Variants in DBF4 observed in about 807,000 individuals in gnomAD.
The protein encoded by DBF4 is DBF4-CDC7 kinase regulatory subunit, also known as protein DBF4 homolog A.
Under a neutral mutation model 76.6 loss-of-function variants are expected in DBF4, and 25 were observed. That is an observed-to-expected ratio of 0.33 (90% CI 0.24 to 0.46). The LOEUF (loss-of-function observed/expected upper bound fraction) is 0.46. DBF4 is among the 20% of genes least tolerant of loss of function. The pLI, the probability that DBF4 is intolerant of heterozygous loss-of-function variation, is 1.00. For synonymous variants in DBF4, 213 were observed against 258.0 expected, an observed-to-expected ratio of 0.83 and a Z score of 1.67; for missense variants, 638 against 760.8, an observed-to-expected ratio of 0.84 and a Z score of 1.90.
In DBF4 at chr7:87,908,640, G is replaced by A. The variant is rs1839967391; in HGVS notation, c.*477G>A. On this transcript the variant is annotated 3_prime_UTR_variant, in exon 12 of 12. Transcript: ENST00000265728. ...GAAATATTGACACTTGAGGGTCACT[G>A]GTGGACCATGCTAGTATTTTGGTGC... is the stretch of plus-strand genomic sequence containing the variant. 6.5e-6 allele frequency: 1 copy of A among 153,306 alleles called. No homozygotes were observed. The highest frequency in any genetic ancestry group is 2.1e-4 in the South Asian group (1 of 4,860). The allele number at this position is 153,306 out of a possible 1,614,324, so 9.5% of individuals were successfully genotyped here.
At chr7:87,884,487 A>G (rs1839294796) in intron 2 of DBF4, among the ~76,000 whole-genome samples, 1 of 152,214 alleles carries the variant, frequency 6.6e-6, no homozygotes. Context: ...TTCAAATTAT[A>G]TTATTTGCTA....
In DBF4 at chr7:87,876,681, G is replaced by A. The variant is rs977907439; in HGVS notation, c.-52G>A. On this transcript the variant is annotated 5_prime_UTR_variant, in exon 1 of 12. Transcript: ENST00000265728. ...CGGGGGAAGCCGTGCTTTCGCGGCT[G>A]CCCGGTGCGACACTTTCTCCGGACC... 70 of 1,605,798 alleles carry A rather than the reference G, an allele frequency of 4.4e-5. No individual in the cohort carries two copies. The East Asian group carries it at 1.4e-3, about 31-fold the overall frequency.
intron 6 of DBF4, among the ~76,000 whole-genome samples, chr7:87,891,394 T>C (rs1184040804): frequency 6.6e-6 from 1 of 152,182 alleles, no homozygotes; most frequent in Non-Finnish European, 1.5e-5. Flanking sequence ...TAGAATTTAC[T>C]AGCAAGGCTA....
rs758166321 is a variant in DBF4, at chr7:87,907,776, G to A, written c.1638G>A (p.Gln546=). The A allele has an allele frequency of 1.2e-6, 2 of 1,614,048 alleles. No individual in the cohort carries two copies. The highest frequency in any genetic ancestry group is 1.3e-5 in the African/African-American group (1 of 75,042). Residue 546 remains glutamine (Q), a synonymous_variant, in exon 12 of 12, where the codon CAG becomes CAA. Transcript: ENST00000265728. ...GTTCACAAGAGCACCTAACTGTTCA[G>A]GCAAAGGCTCCATTCCATACTCCTC... The part of the protein sequence containing the change: ...INSSQEHLTV[Q]AKAPFHTPPE...
rs1839746788 is a variant in DBF4, at chr7:87,900,365, T to C, written c.809+16T>C. The C allele has an allele frequency of 6.3e-7, 1 of 1,578,578 alleles. No individual in the cohort carries two copies. Among genetic ancestry groups the C allele is most frequent in the African/African-American group, 1.4e-5 (1 of 71,418 alleles). Reference sequence around the variant, plus strand: ...TTAAACTAAGGTTGGTTTGAATCTTTACTTTTAGAAGGAATATTCAGAATT... The same window carrying C: ...TTAAACTAAGGTTGGTTTGAATCTTCACTTTTAGAAGGAATATTCAGAATT... On this transcript the variant is annotated intron_variant, in intron 9 of 11. Transcript: ENST00000265728.
chr7:87,887,149 A>G (rs1444135706), intron 4 of DBF4, among the ~76,000 whole-genome samples, 180 bp from the exon 5 acceptor site: 1 of 152,206 alleles, frequency 6.6e-6, no homozygotes, highest in Non-Finnish European at 1.5e-5. Context: ...GTGGGTATAA[A>G]GTGGGATTGA....
intron 3 of DBF4, among the ~76,000 whole-genome samples, chr7:87,885,462 A>C (rs942616992): frequency 6.6e-6 from 1 of 152,232 alleles, no homozygotes; most frequent in African/African-American, 2.4e-5. Context: ...AAGAAATAGA[A>C]ACCTTTTTAA....
intron 2 of DBF4, among the ~76,000 whole-genome samples, chr7:87,884,493 T>C (rs1483477535): frequency 6.6e-6 from 1 of 152,266 alleles, no homozygotes; most frequent in African/African-American, 2.4e-5. Flanking sequence ...TTATATTATT[T>C]GCTACTGGGT....
In DBF4 at chr7:87,907,951, C is replaced by T; in HGVS notation, c.1813C>T (p.Gln605Ter). Reference protein sequence around the residue: ...EFDKRTEFITQEENRICSSPV... With the variant: ...EFDKRTEFIT ...TGATAAAAGAACTGAATTTATTACA[C>T]AAGAAGAAAACAGAATTTGTAGTTC... The change falls in exon 12 of 12, where the codon CAA becomes TAA. Residue 605 changes from glutamine (Q) to a stop codon, truncating the protein, a stop_gained. Transcript: ENST00000265728. LOFTEE classifies it high-confidence loss of function. The T allele has an allele frequency of 6.2e-7, 1 of 1,612,424 alleles. No homozygotes were observed. The highest frequency in any genetic ancestry group is 8.5e-7 in the Non-Finnish European group (1 of 1,179,524).
Position 87,907,168 on chromosome 7 carries a change from C to A in DBF4, c.1050-20C>A, listed in dbSNP as rs550828865. ...TGATAGCAATTATTTTAATATTTTTCTTCTATTTTTCCTACAAAGAATAAA... is the reference window on the plus strand; with the variant it reads ...TGATAGCAATTATTTTAATATTTTTATTCTATTTTTCCTACAAAGAATAAA... On this transcript the variant is annotated intron_variant, in intron 11 of 11. Coordinates refer to ENST00000265728, the MANE Select transcript of DBF4 (RefSeq NM_006716.4). 1 of 1,511,232 alleles carries A rather than the reference C, an allele frequency of 6.6e-7. No individual in the cohort carries two copies. The highest frequency in any genetic ancestry group is 1.4e-5 in the African/African-American group (1 of 71,234). The allele number at this position is 1,511,232 out of a possible 1,614,324, so 93.6% of individuals were successfully genotyped here. A position where few individuals can be genotyped will look rare whatever the true frequency, so the allele number is the denominator to read the frequency against.
chr7:87,894,063 C>A (rs1839564417), intron 6 of DBF4, among the ~76,000 whole-genome samples: 1 of 152,186 alleles, frequency 6.6e-6, no homozygotes, highest in South Asian at 2.1e-4. Context: ...AATATTCAAG[C>A]CCTTTTACCT....
intron 9 of DBF4, 62 bp from the exon 10 acceptor site, chr7:87,900,702 A>G: frequency 1.5e-6 from 2 of 1,377,176 alleles, no homozygotes; most frequent in East Asian, 4.6e-5. Context: ...TAGGACAATA[A>G]ATTTTTAAAG....
At chr7:87,905,912 A>G (rs986637833) in intron 11 of DBF4, among the ~76,000 whole-genome samples, 1 of 152,026 alleles carries the variant, frequency 6.6e-6, no homozygotes, top group African/African-American at 2.4e-5. Context: ...CTGTGGTCCC[A>G]GCACTTCGAA....
chr7:87,877,948 T>C lies in DBF4; in HGVS notation c.47-105T>C, dbSNP rs141932134. On this transcript the variant is annotated intron_variant, in intron 1 of 11. Coordinates refer to ENST00000265728, the MANE Select transcript of DBF4 (RefSeq NM_006716.4). The stretch of plus-strand genomic sequence containing the variant: ...ACATTTCAATGCTAATAACTTAAAC[T>C]GGTAGGGTTGTAAGGATTTTTATTC... The C allele has an allele frequency of 2.2e-5, 21 of 947,702 alleles. 1 individual carries two copies. The highest frequency in any genetic ancestry group is 2.2e-4 in the East Asian group (8 of 36,262). The allele number at this position is 947,702 out of a possible 1,614,324, so 58.7% of individuals were successfully genotyped here.
At chr7:87,899,203 A>C (rs1292659662) in intron 8 of DBF4, among the ~76,000 whole-genome samples, 1 of 152,232 alleles carries the variant, frequency 6.6e-6, no homozygotes, top group Non-Finnish European at 1.5e-5. Flanking sequence ...CCAAAAACAC[A>C]GATTACAAAA....
At chr7:87,887,005 A>C (rs1839372084) in intron 4 of DBF4, 111 bp downstream of exon 4, 5 of 726,854 alleles carry the variant, frequency 6.9e-6, no homozygotes, top group South Asian at 1.9e-5. Flanking sequence ...CAAAAACCTG[A>C]ATCTCAGCAT....
intron 2 of DBF4, among the ~76,000 whole-genome samples, chr7:87,881,457 G>A (rs577511057): frequency 2.6e-5 from 4 of 152,242 alleles, no homozygotes; most frequent in South Asian, 2.1e-4. Flanking sequence ...CCATCCTCAT[G>A]TTCTAACCTA....
chr7:87,876,757 C>G lies in DBF4; in HGVS notation c.25C>G (p.His9Asp). The G allele has an allele frequency of 6.2e-7, 1 of 1,614,162 alleles. No individual in the cohort carries two copies. The highest frequency in any genetic ancestry group is 8.5e-7 in the Non-Finnish European group (1 of 1,180,008). Reference protein sequence around the residue: MNSGAMRIHSKGHFQGGIQ... With the variant: MNSGAMRIDSKGHFQGGIQ... ...CATGAACTCCGGAGCCATGAGGATC[C>G]ACAGTAAAGGACATTTCCAGGGTAA... Residue 9 changes from histidine to aspartate, a missense_variant, in exon 1 of 12, where the codon CAC becomes GAC. Coordinates refer to ENST00000265728, the MANE Select transcript of DBF4 (RefSeq NM_006716.4).
In DBF4 at chr7:87,908,818, T is replaced by G. The variant is rs555781017; in HGVS notation, c.*655T>G. Reference sequence around the variant, plus strand: ...CAAAAGTTGACTCTCCTGTGGCTCATGCCACAGGATCCCAGCACTTTGGGA... The same window carrying G: ...CAAAAGTTGACTCTCCTGTGGCTCAGGCCACAGGATCCCAGCACTTTGGGA... On this transcript the variant is annotated 3_prime_UTR_variant, in exon 12 of 12. Transcript: ENST00000265728. 3.6e-5 allele frequency: 5 copies of G among 138,016 alleles called. No homozygotes were observed. The allele number at this position is 138,016 out of a possible 1,614,324, so 8.5% of individuals were successfully genotyped here.
Sources: allele counts gnomAD v4.1 joint callset (sites outside exome capture counted in the v4.1 genomes callset), GRCh38; gene constraint gnomAD v4.1.1; transcripts MANE v1.5; gene names NCBI Gene and HGNC (gene_info 2026-07-23, HGNC 2026-07-21).